The following FRMD4A variants were observed in gnomAD, a reference collection of about 807,000 sequenced individuals.
FRMD4A encodes the protein FERM domain containing 4A, also known as FERM domain-containing protein 4A.
In FRMD4A, 29 loss-of-function variants were observed where a neutral mutation model predicts 129.1. The observed-to-expected ratio is 0.22, with a 90% CI of 0.17 to 0.31. FRMD4A has a LOEUF of 0.31. Ranked by LOEUF, FRMD4A falls within the 10% of genes least tolerant of loss-of-function variation. The probability of loss-of-function intolerance (pLI) is 1.00; values close to 1 mark genes in which losing one functional copy is unlikely to be tolerated. For synonymous variants in FRMD4A, 634 were observed against 571.6 expected, an observed-to-expected ratio of 1.11 and a Z score of -1.56; for missense variants, 1,272 against 1,375.8, an observed-to-expected ratio of 0.92 and a Z score of 1.19.
chr10:14,028,442 T>C (rs1363502104), intron 2 of FRMD4A, among the ~76,000 whole-genome samples: 1 of 152,162 alleles, frequency 6.6e-6, no homozygotes, highest in African/African-American at 2.4e-5. Flanking sequence ...GGAGAGTCAC[T>C]GACAAAGGGG....
chr10:14,108,126 G>A (rs1018439296), intron 2 of FRMD4A, among the ~76,000 whole-genome samples: 1 of 152,072 alleles, frequency 6.6e-6, no homozygotes, highest in Non-Finnish European at 1.5e-5. Flanking sequence ...GCCAACCTGT[G>A]GGCTTTTTTT....
chr10:13,887,794 A>C (rs1027524807), intron 2 of FRMD4A, among the ~76,000 whole-genome samples: 2 of 152,250 alleles, frequency 1.3e-5, no homozygotes, highest in African/African-American at 4.8e-5. Flanking sequence ...AACGTAAGAG[A>C]GGAACAGTGA....
intron 2 of FRMD4A, among the ~76,000 whole-genome samples, chr10:13,945,764 C>T (rs1347203403): frequency 1.3e-5 from 2 of 152,154 alleles, no homozygotes; most frequent in East Asian, 3.9e-4. Context: ...AATCTTGCCA[C>T]CTCCCCATTT....
intron 2 of FRMD4A, among the ~76,000 whole-genome samples, chr10:13,926,639 G>A (rs147767092): frequency 6.6e-6 from 1 of 152,302 alleles, no homozygotes; most frequent in East Asian, 1.9e-4. Flanking sequence ...AGTTTTGATT[G>A]TAGTAAGACA....
intron 17 of FRMD4A, among the ~76,000 whole-genome samples, chr10:13,668,868 G>A (rs964203688): frequency 6.6e-6 from 1 of 152,082 alleles, no homozygotes; most frequent in Admixed American, 6.6e-5. Flanking sequence ...TGCAGTTCCT[G>A]CCTACGGTGT....
intron 2 of FRMD4A, among the ~76,000 whole-genome samples, chr10:14,147,212 TC>T (rs1333231555): frequency 1.4e-4 from 22 of 152,088 alleles, no homozygotes; most frequent in Admixed American, 1.4e-3. Flanking sequence ...CAGGTGAGAG[TC>T]TAAAGGTCAG....
At chr10:14,251,289 C>T (rs1844432128) in intron 2 of FRMD4A, among the ~76,000 whole-genome samples, 3 of 152,288 alleles carry the variant, frequency 2.0e-5, no homozygotes, top group Middle Eastern at 3.4e-3. Flanking sequence ...CTGGGGTGTG[C>T]TCTCTTTCCT....
intron 2 of FRMD4A, among the ~76,000 whole-genome samples, chr10:14,067,544 C>T (rs932260756): frequency 1.1e-4 from 17 of 151,184 alleles, no homozygotes; most frequent in African/African-American, 2.9e-4. Context: ...TGAGGCCGGG[C>T]GCAGTGGCTC....
intron 6 of FRMD4A, among the ~76,000 whole-genome samples, chr10:13,776,719 A>C (rs1004459833): frequency 5.9e-5 from 9 of 152,222 alleles, no homozygotes; most frequent in African/African-American, 1.9e-4. Flanking sequence ...TTAGATTTTA[A>C]CATACAGTAG....
rs764574593 is a variant in FRMD4A at position 13,693,030 on chromosome 10, ATTAATT to A, written c.1117+862_1117+867del. 1.4e-3 allele frequency: 82 copies of A among 59,646 alleles called. 1 individual carries two copies. Among genetic ancestry groups the A allele is most frequent in the East Asian group, 1.7e-3 (1 of 594 alleles). The allele number at this position is 59,646 out of a possible 1,614,324, so 3.7% of individuals were successfully genotyped here. On this transcript the variant is annotated intron_variant, in intron 15 of 24. Coordinates refer to ENST00000357447, the MANE Select transcript of FRMD4A (RefSeq NM_018027.5). ...GGTGCTGTGCCACCACACCTGGCTA[ATTAATT>A]TTTTTTTTTTTTTTTTGGTAGAGAC...
rs751680808 is a variant in FRMD4A at position 13,646,911 on chromosome 10, G to A, written c.*127C>T. The A allele has an allele frequency of 2.7e-5, 20 of 731,658 alleles. No homozygotes were observed. Among genetic ancestry groups the A allele is most frequent in the South Asian group, 2.5e-4 (4 of 16,324 alleles). The allele number at this position is 731,658 out of a possible 1,614,324, so 45.3% of individuals were successfully genotyped here. A position where few individuals can be genotyped will look rare whatever the true frequency, so the allele number is the denominator to read the frequency against. On this transcript the variant is annotated 3_prime_UTR_variant, in exon 25 of 25. Transcript: ENST00000357447. ...GGTGATCTCAGAATGGCGTTGAGGC[G>A]GTCAGATTAGGCCGGGCTGGCTCAC...
intron 11 of FRMD4A, among the ~76,000 whole-genome samples, chr10:13,738,142 C>T (rs2090756251): frequency 6.6e-6 from 1 of 152,134 alleles, no homozygotes; most frequent in South Asian, 2.1e-4. Flanking sequence ...GTGCCGGGGG[C>T]TGGGGGCCTG....
chr10:14,032,922 A>G (rs1038953611), intron 2 of FRMD4A, among the ~76,000 whole-genome samples: 15 of 152,232 alleles, frequency 9.9e-5, no homozygotes, highest in Non-Finnish European at 1.5e-4. Flanking sequence ...ATTGCCAGAT[A>G]TACCCAAGAG....
intron 2 of FRMD4A, among the ~76,000 whole-genome samples, chr10:13,971,114 A>ACATG (rs1185462315): frequency 6.6e-6 from 1 of 152,182 alleles, no homozygotes; most frequent in Non-Finnish European, 1.5e-5. Flanking sequence ...ACACGTGCAC[A>ACATG]CATGCACACA....
intron 2 of FRMD4A, among the ~76,000 whole-genome samples, chr10:13,869,390 T>C (rs1191149850): frequency 1.3e-5 from 2 of 152,202 alleles, no homozygotes; most frequent in African/African-American, 2.4e-5. Context: ...TGGGTGCACT[T>C]TCCACCTTCC....
chr10:14,110,902 G>A (rs1837865722), intron 2 of FRMD4A, among the ~76,000 whole-genome samples: 1 of 152,144 alleles, frequency 6.6e-6, no homozygotes, highest in Admixed American at 6.5e-5. Context: ...TGCAGTCATA[G>A]GTCACTGCAG....
At chr10:13,667,251 A>C (rs2083124890) in intron 17 of FRMD4A, 1 of 152,312 alleles carries the variant, frequency 6.6e-6, no homozygotes, top group South Asian at 2.1e-4. Flanking sequence ...TCCCTCCCCC[A>C]TCTGCCTATT....
chr10:13,829,673 C>T (rs1171745419), intron 3 of FRMD4A, among the ~76,000 whole-genome samples: 1 of 152,182 alleles, frequency 6.6e-6, no homozygotes, highest in Non-Finnish European at 1.5e-5. Flanking sequence ...GGCTGTCTTT[C>T]ACCACTGGAA....
In FRMD4A at chr10:13,802,408, T is replaced by C. The variant is rs554101220; in HGVS notation, c.207-5820A>G. ...TTTATTGTAGACAGGCAATTTCATA[T>C]GGAATGAGTTTCTACAGAAATCCAA... On this transcript the variant is annotated intron_variant, in intron 4 of 24. Coordinates refer to ENST00000357447, the MANE Select transcript of FRMD4A (RefSeq NM_018027.5). Among the ~76,000 whole-genome samples, 70 of 152,294 alleles carry C rather than the reference T, an allele frequency of 4.6e-4. 1 individual carries two copies. The South Asian group carries it at 0.014, about 31-fold the overall frequency.
Sources: allele counts gnomAD v4.1 joint callset (sites outside exome capture counted in the v4.1 genomes callset), GRCh38; gene constraint gnomAD v4.1.1; transcripts MANE v1.5; gene names NCBI Gene and HGNC (gene_info 2026-07-23, HGNC 2026-07-21).